The following SPOCK3 variants were observed in gnomAD, a reference collection of about 807,000 sequenced individuals.
The protein encoded by SPOCK3 is testican-3.
SPOCK3 carries 30 observed loss-of-function variants against 56.6 expected under a neutral mutation model. The ratio of observed to expected loss-of-function variants is 0.53; its 90% CI spans 0.40 to 0.72. SPOCK3 has a LOEUF of 0.72. SPOCK3 is among the 30% of genes least tolerant of loss of function. The probability of loss-of-function intolerance (pLI) is 0.00; values close to 1 mark genes in which losing one functional copy is unlikely to be tolerated. For synonymous variants in SPOCK3, 196 were observed against 183.3 expected (o/e 1.07, Z -0.56); for missense variants, 527 against 530.0 (o/e 0.99, Z 0.06).
chr4:167,212,049 C>A (rs557640550), intron 2 of SPOCK3, among the ~76,000 whole-genome samples: 1 of 152,210 alleles, frequency 6.6e-6, no homozygotes, highest in East Asian at 1.9e-4. Context: ...TCTGCTTATT[C>A]TGGCTTTCTG....
intron 2 of SPOCK3, among the ~76,000 whole-genome samples, chr4:167,165,114 T>A (rs1372540110): frequency 6.6e-6 from 1 of 152,018 alleles, no homozygotes; most frequent in Admixed American, 6.6e-5. Flanking sequence ...GTTTTCTGAC[T>A]TTTTCCTAAA....
intron 2 of SPOCK3, among the ~76,000 whole-genome samples, chr4:167,097,860 A>G (rs1324022516): frequency 6.6e-6 from 1 of 152,070 alleles, no homozygotes; most frequent in African/African-American, 2.4e-5. Flanking sequence ...AATACCATGC[A>G]GCCATAGAAA....
At chr4:166,960,542 T>C (rs1744029073) in intron 4 of SPOCK3, among the ~76,000 whole-genome samples, 1 of 152,302 alleles carries the variant, frequency 6.6e-6, no homozygotes, top group African/African-American at 2.4e-5. Context: ...GGACAGCTAC[T>C]CAAACTATGC....
At chr4:167,139,437 T>C (rs1400353814) in intron 2 of SPOCK3, among the ~76,000 whole-genome samples, 1 of 152,060 alleles carries the variant, frequency 6.6e-6, no homozygotes, top group Admixed American at 6.6e-5. Context: ...GGAAAGTAAT[T>C]CTGGAAAAAC....
intron 4 of SPOCK3, among the ~76,000 whole-genome samples, chr4:166,939,850 T>G (rs944380950): frequency 1.1e-4 from 16 of 152,320 alleles, no homozygotes; most frequent in Admixed American, 8.5e-4. Context: ...TAAACATAAT[T>G]GAATTTATTT....
chr4:166,795,937 G>C (rs969135197), intron 6 of SPOCK3, among the ~76,000 whole-genome samples: 3 of 152,154 alleles, frequency 2.0e-5, no homozygotes, highest in Admixed American at 6.5e-5. Context: ...TTAGAAGATA[G>C]GGACTCTGGG....
chr4:167,116,185 A>G (rs543210934), intron 2 of SPOCK3, among the ~76,000 whole-genome samples: 5 of 151,972 alleles, frequency 3.3e-5, no homozygotes, highest in Non-Finnish European at 7.4e-5. Flanking sequence ...AGGTATCTGT[A>G]TGTGTACAGA....
rs1327017518 is a variant in SPOCK3, at chr4:166,733,631, A to G, written c.*1290T>C. The G allele has an allele frequency of 6.6e-6, 1 of 152,182 alleles. No homozygotes were observed. Among genetic ancestry groups the G allele is most frequent in the Non-Finnish European group, 1.5e-5 (1 of 67,762 alleles). 9.4% of individuals were successfully genotyped at this position (152,182 alleles called of 1,614,324 possible). On this transcript the variant is annotated 3_prime_UTR_variant, in exon 11 of 11. Coordinates refer to ENST00000357545, the MANE Select transcript of SPOCK3 (RefSeq NM_001040159.2). Reference sequence around the variant, plus strand: ...CCATTTTTATTATGGGCACAAAACCATTGGTATGATATAGTTAAAAGTGAT... The same window carrying G: ...CCATTTTTATTATGGGCACAAAACCGTTGGTATGATATAGTTAAAAGTGAT...
chr4:167,203,253 A>C (rs1706486004), intron 2 of SPOCK3, among the ~76,000 whole-genome samples: 1 of 152,062 alleles, frequency 6.6e-6, no homozygotes, highest in African/African-American at 2.4e-5. Context: ...CCAATGTTAA[A>C]GAAGCAAACC....
chr4:167,073,296 C>T (rs1019770203), intron 2 of SPOCK3, among the ~76,000 whole-genome samples: 2 of 151,238 alleles, frequency 1.3e-5, no homozygotes, highest in African/African-American at 2.4e-5. Context: ...AATGCATGTC[C>T]GTCTGATTAA....
chr4:166,928,671 G>A (rs1739386415), intron 4 of SPOCK3, among the ~76,000 whole-genome samples: 1 of 152,088 alleles, frequency 6.6e-6, no homozygotes, highest in African/African-American at 2.4e-5. Flanking sequence ...CAACTCTAAT[G>A]TAAACTATGG....
chr4:167,035,595 A>G (rs1182161349), intron 3 of SPOCK3, among the ~76,000 whole-genome samples: 1 of 152,150 alleles, frequency 6.6e-6, no homozygotes, highest in Non-Finnish European at 1.5e-5. Flanking sequence ...TGTCTCTCAC[A>G]TGTGATAGCA....
chr4:166,770,090 C>G (rs1365927491), intron 7 of SPOCK3, among the ~76,000 whole-genome samples: 1 of 152,132 alleles, frequency 6.6e-6, no homozygotes, highest in Non-Finnish European at 1.5e-5. Context: ...ATCTATCACC[C>G]TTCCCTCTTC....
chr4:167,023,583 CCAGTGGTGACTTTAA>C (rs1171669600), intron 3 of SPOCK3, among the ~76,000 whole-genome samples: 1 of 151,926 alleles, frequency 6.6e-6, no homozygotes, highest in Non-Finnish European at 1.5e-5. Context: ...TTTCATGACA[CCAGTGGTGACTTTAA>C]CAGCCGTAGT....
intron 2 of SPOCK3, among the ~76,000 whole-genome samples, chr4:167,165,288 G>A (rs1765659630): frequency 1.3e-5 from 2 of 151,976 alleles, no homozygotes; most frequent in South Asian, 2.1e-4. Context: ...TACAGAATGG[G>A]AGAAAATTTT....
At chr4:166,840,301 T>G (rs1747102618) in intron 6 of SPOCK3, among the ~76,000 whole-genome samples, 1 of 152,222 alleles carries the variant, frequency 6.6e-6, no homozygotes, top group Non-Finnish European at 1.5e-5. Context: ...CACAATCACT[T>G]GAAAATGCTG....
At chr4:167,209,099 CAG>C (rs1734621811) in intron 2 of SPOCK3, among the ~76,000 whole-genome samples, 2 of 152,036 alleles carry the variant, frequency 1.3e-5, no homozygotes, top group Non-Finnish European at 2.9e-5. Flanking sequence ...CCACTAAAGA[CAG>C]AAGGGCATCT....
intron 3 of SPOCK3, among the ~76,000 whole-genome samples, chr4:167,022,167 A>G (rs1751249613): frequency 6.6e-6 from 1 of 152,016 alleles, no homozygotes; most frequent in South Asian, 2.1e-4. Flanking sequence ...GGCGTGGAGC[A>G]AACAAAAGAC....
chr4:166,919,786 T>C (rs1163820111), intron 4 of SPOCK3, among the ~76,000 whole-genome samples: 1 of 152,184 alleles, frequency 6.6e-6, no homozygotes, highest in Non-Finnish European at 1.5e-5. Flanking sequence ...GAATTTATAA[T>C]CTCATGTGTG....
Sources: gnomAD v4.1 joint callset for allele counts (sites outside exome capture counted in the v4.1 genomes callset) on GRCh38, gnomAD v4.1.1 for gene constraint, MANE v1.5 for transcripts, NCBI Gene and HGNC (gene_info 2026-07-23, HGNC 2026-07-21) for gene names.